Variants in NEBL observed in about 807,000 individuals in gnomAD.
NEBL encodes the protein nebulette, also known as LIM and SH3 protein 2.
A neutral mutation model predicts 140.2 loss-of-function variants in NEBL; 122 were observed. That is an observed-to-expected ratio of 0.87 (90% CI 0.75 to 1.01). The LOEUF (loss-of-function observed/expected upper bound fraction) is 1.01. Ranked by LOEUF, NEBL falls within the 50% of genes least tolerant of loss-of-function variation. The probability of loss-of-function intolerance (pLI) is 0.00; values close to 1 mark genes in which losing one functional copy is unlikely to be tolerated. For synonymous variants in NEBL, 436 were observed against 398.9 expected (o/e 1.09, Z -1.11); for missense variants, 1,365 against 1,231.3 (o/e 1.11, Z -1.62).
chr10:21,273,493 C>G (rs896775962), intron 1 of NEBL, among the ~76,000 whole-genome samples: 1 of 152,174 alleles, frequency 6.6e-6, no homozygotes, highest in African/African-American at 2.4e-5. Flanking sequence ...GTAGAACTGA[C>G]CAGCCTTTGG....
intron 2 of NEBL, among the ~76,000 whole-genome samples, chr10:21,076,564 T>C (rs1364142702): frequency 6.7e-6 from 1 of 148,776 alleles, no homozygotes; most frequent in Admixed American, 6.7e-5. Flanking sequence ...TATACATCCA[T>C]GGTCATAGCA....
intron 2 of NEBL, among the ~76,000 whole-genome samples, chr10:21,024,969 C>A (rs1307194852): frequency 6.6e-6 from 1 of 152,208 alleles, no homozygotes; most frequent in Non-Finnish European, 1.5e-5. Context: ...CCAAACACTG[C>A]ATTCAAAAGA....
intron 2 of NEBL, among the ~76,000 whole-genome samples, chr10:21,033,062 A>G (rs1210879937): frequency 6.6e-6 from 1 of 152,230 alleles, no homozygotes; most frequent in Non-Finnish European, 1.5e-5. Flanking sequence ...AGCTAGTGGA[A>G]GAGAGTCTAT....
intron 2 of NEBL, among the ~76,000 whole-genome samples, chr10:21,034,616 A>G (rs879446152): frequency 6.6e-6 from 1 of 152,260 alleles, no homozygotes; most frequent in African/African-American, 2.4e-5. Context: ...CTATGTAATC[A>G]TTGGCCTCCA....
chr10:21,165,790 G>A (rs1207145667), intron 2 of NEBL, among the ~76,000 whole-genome samples: 2 of 152,164 alleles, frequency 1.3e-5, no homozygotes, highest in African/African-American at 4.8e-5. Context: ...CCCAGGGAAA[G>A]GTGTGGGGTC....
At chr10:20,866,243 C>T (rs779675350) in intron 7 of NEBL, among the ~76,000 whole-genome samples, 4 of 151,942 alleles carry the variant, frequency 2.6e-5, no homozygotes, top group African/African-American at 7.3e-5. Context: ...TATTATTTAA[C>T]GGGTATAGAG....
At chr10:21,078,203 AAT>A (rs1164434016) in intron 2 of NEBL, among the ~76,000 whole-genome samples, 2 of 152,212 alleles carry the variant, frequency 1.3e-5, no homozygotes, top group East Asian at 3.8e-4. Context: ...ATGAGTACAA[AAT>A]AGACTCTTTC....
chr10:21,260,190 C>A (rs748331470), intron 1 of NEBL, among the ~76,000 whole-genome samples: 4 of 152,218 alleles, frequency 2.6e-5, no homozygotes, highest in Non-Finnish European at 4.4e-5. Context: ...TAGAATGAAA[C>A]AGCTCATCCG....
chr10:21,289,261 A>AG lies in NEBL; in HGVS notation n.182+3568dup, dbSNP rs570704784. Reference sequence around the variant, plus strand: ...GATCAAATGAGGGCCTTACAGCTGCAGGGGAATCCTGACACCAGCTGGGTA... The same window carrying AG: ...GATCAAATGAGGGCCTTACAGCTGCAGGGGGAATCCTGACACCAGCTGGGTA... On this transcript the variant is annotated intron_variant and non_coding_transcript_variant, in intron 1 of 8. Transcript: ENST00000675702. 2.1e-4 allele frequency among the ~76,000 whole-genome samples: 32 copies of AG among 152,254 alleles called. No homozygotes were observed. In the East Asian group the frequency reaches 4.4e-3, roughly 21 times the overall value.
chr10:21,192,342 C>G lies in NEBL; in HGVS notation n.349-19865G>C, dbSNP rs182314539. On this transcript the variant is annotated intron_variant and non_coding_transcript_variant, in intron 3 of 8. Coordinates refer to the NEBL transcript ENST00000675702. ...GAGTAGCTGGGACTACAGGCACCCA[C>G]CACCACGCCTGGCTAATTTTTTTAT... 3.5e-3 allele frequency among the ~76,000 whole-genome samples: 538 copies of G among 151,796 alleles called. 5 individuals carry two copies. The highest frequency in any genetic ancestry group is 0.012 in the African/African-American group (481 of 41,464).
At chr10:21,061,319 A>ATGT (rs1835281487) in intron 2 of NEBL, among the ~76,000 whole-genome samples, 1 of 144,534 alleles carries the variant, frequency 6.9e-6, no homozygotes, top group Non-Finnish European at 1.5e-5. Flanking sequence ...GATATGTAAT[A>ATGT]TATTACATAT....
chr10:21,084,479 G>C (rs1336433985), intron 2 of NEBL, among the ~76,000 whole-genome samples: 8 of 152,038 alleles, frequency 5.3e-5, no homozygotes, highest in Admixed American at 5.2e-4. Context: ...TAGCTACTGG[G>C]GAGGCTGAGG....
At chr10:21,058,280 G>A (rs1835119907) in intron 2 of NEBL, among the ~76,000 whole-genome samples, 1 of 152,174 alleles carries the variant, frequency 6.6e-6, no homozygotes, top group Admixed American at 6.5e-5. Context: ...CCTGGCCAAG[G>A]AGAGCATAGA....
At chr10:21,068,906 G>T (rs539912497) in intron 2 of NEBL, among the ~76,000 whole-genome samples, 1 of 152,088 alleles carries the variant, frequency 6.6e-6, no homozygotes, top group South Asian at 2.1e-4. Context: ...TGTTGTTTAA[G>T]ACTGATTCTC....
At chr10:20,884,675 A>G (rs933382698) in intron 4 of NEBL, among the ~76,000 whole-genome samples, 1 of 152,222 alleles carries the variant, frequency 6.6e-6, no homozygotes, top group Non-Finnish European at 1.5e-5. Context: ...ACCCCATAGC[A>G]TAGACACCTC....
At chr10:21,023,062 T>C (rs1485785759) in intron 2 of NEBL, among the ~76,000 whole-genome samples, 1 of 152,246 alleles carries the variant, frequency 6.6e-6, no homozygotes, top group Non-Finnish European at 1.5e-5. Flanking sequence ...AAGTTCCAAC[T>C]TGGGAAGTTG....
At chr10:21,230,065 C>A (rs1842225222) in intron 3 of NEBL, among the ~76,000 whole-genome samples, 4 of 152,174 alleles carry the variant, frequency 2.6e-5, no homozygotes, top group Admixed American at 2.6e-4. Flanking sequence ...GTTAGAGATT[C>A]CTGCTGTGGT....
chr10:20,886,835 C>A (rs1400625205), intron 4 of NEBL, among the ~76,000 whole-genome samples: 1 of 152,120 alleles, frequency 6.6e-6, no homozygotes, highest in Admixed American at 6.5e-5. Context: ...CTATTATTAA[C>A]CTAAAATGTG....
Position 20,868,649 on chromosome 10 carries a change from T to C in NEBL, c.684+15A>G. 6.5e-7 allele frequency: 1 copy of C among 1,535,086 alleles called. No individual in the cohort carries two copies. The highest frequency in any genetic ancestry group is 9.0e-7 in the Non-Finnish European group (1 of 1,108,200). ...TCTGAATAAAGTCATTGTGGAATCA[T>C]CACTAAAGCCTTACTTGACTAGAAA... On this transcript the variant is annotated intron_variant, in intron 7 of 27. Coordinates refer to ENST00000377122, the MANE Select transcript of NEBL (RefSeq NM_006393.3).
Sources: gnomAD v4.1 joint callset for allele counts (sites outside exome capture counted in the v4.1 genomes callset) on GRCh38, gnomAD v4.1.1 for gene constraint, MANE v1.5 for transcripts, NCBI Gene and HGNC (gene_info 2026-07-23, HGNC 2026-07-21) for gene names.